The following ZNF827 variants were observed in gnomAD, a reference collection of about 807,000 sequenced individuals.
The protein encoded by ZNF827 is zinc finger protein 827.
In ZNF827, 13 loss-of-function variants were observed where a neutral mutation model predicts 102.4. That is an observed-to-expected ratio of 0.13 (90% confidence interval 0.08 to 0.20). The LOEUF (loss-of-function observed/expected upper bound fraction) is 0.20. Ranked by LOEUF, ZNF827 falls within the 10% of genes least tolerant of loss-of-function variation. The probability of loss-of-function intolerance (pLI) is 1.00; values close to 1 mark genes in which losing one functional copy is unlikely to be tolerated. For missense variants in ZNF827, 1,103 were observed against 1,344.4 expected (o/e 0.82, Z 2.81); for synonymous variants, 523 against 536.2 (o/e 0.98, Z 0.34).
chr4:145,866,436 T>G (rs1297858624), intron 5 of ZNF827, among the ~76,000 whole-genome samples: 2 of 152,240 alleles, frequency 1.3e-5, no homozygotes, highest in Admixed American at 1.3e-4. Flanking sequence ...TAGGGCCTGG[T>G]TGAATTCCTA....
chr4:145,920,828 A>T (rs1246023645), intron 1 of ZNF827, among the ~76,000 whole-genome samples: 1 of 152,234 alleles, frequency 6.6e-6, no homozygotes, highest in East Asian at 1.9e-4. Flanking sequence ...TTCTGTGACC[A>T]GCTCTTTACT....
chr4:145,797,784 AT>A (rs1740515641), intron 8 of ZNF827, among the ~76,000 whole-genome samples: 1 of 152,236 alleles, frequency 6.6e-6, no homozygotes, highest in South Asian at 2.1e-4. Context: ...TGTGGTATAA[AT>A]GGAAATGATT....
intron 10 of ZNF827, among the ~76,000 whole-genome samples, chr4:145,775,163 G>A (rs1289543535): frequency 3.3e-5 from 5 of 152,064 alleles, no homozygotes; most frequent in Non-Finnish European, 5.9e-5. Context: ...TACTCTATCC[G>A]GGACAACTTC....
chr4:145,824,166 T>TA (rs1743436511), intron 7 of ZNF827, among the ~76,000 whole-genome samples: 1 of 152,144 alleles, frequency 6.6e-6, no homozygotes, highest in Non-Finnish European at 1.5e-5. Flanking sequence ...TAAGGTCCCC[T>TA]AGTGACTCAG....
chr4:145,821,733 G>C (rs747337652), intron 8 of ZNF827, among the ~76,000 whole-genome samples: 4 of 152,076 alleles, frequency 2.6e-5, no homozygotes, highest in Non-Finnish European at 5.9e-5. Flanking sequence ...CCCCAAATAA[G>C]AGTTAAGCTT....
chr4:145,880,905 C>T (rs1749606266), intron 4 of ZNF827, among the ~76,000 whole-genome samples: 1 of 152,208 alleles, frequency 6.6e-6, no homozygotes, highest in South Asian at 2.1e-4. Context: ...ATGGCATTTA[C>T]TTGGAAGAAG....
chr4:145,829,692 T>C (rs2126534285), intron 7 of ZNF827, among the ~76,000 whole-genome samples: 1 of 152,348 alleles, frequency 6.6e-6, no homozygotes, highest in African/African-American at 2.4e-5. Flanking sequence ...CAACGTGTTC[T>C]TTCTCTAACC....
At chr4:145,906,821 C>G (rs760145416) in intron 1 of ZNF827, among the ~76,000 whole-genome samples, 4 of 152,220 alleles carry the variant, frequency 2.6e-5, no homozygotes, top group Non-Finnish European at 5.9e-5. Context: ...CCATCCATCC[C>G]TCTGTTGTTT....
At chr4:145,823,932 T>C (rs1327391931) in intron 7 of ZNF827, among the ~76,000 whole-genome samples, 2 of 152,200 alleles carry the variant, frequency 1.3e-5, no homozygotes, top group Non-Finnish European at 2.9e-5. Flanking sequence ...CCATATTCTG[T>C]CACCTGATCC....
At chr4:145,846,687 C>T (rs373221906) in intron 6 of ZNF827, among the ~76,000 whole-genome samples, 1 of 133,870 alleles carries the variant, frequency 7.5e-6, no homozygotes, top group Non-Finnish European at 1.5e-5. Context: ...CATGATGGCG[C>T]GTGCCTGTAG....
chr4:145,926,141 C>G (rs7697757), intron 1 of ZNF827, among the ~76,000 whole-genome samples: 10,347 of 152,246 alleles, frequency 0.068, 616 homozygotes, highest in African/African-American at 0.16. Flanking sequence ...TTCCCAATCC[C>G]TGACACACTT....
At chr4:145,853,055 T>G (rs187238770) in intron 5 of ZNF827, among the ~76,000 whole-genome samples, 2 of 152,298 alleles carry the variant, frequency 1.3e-5, no homozygotes, top group Non-Finnish European at 2.9e-5. Flanking sequence ...CATTCTAGTT[T>G]TTGCTCCAAA....
chr4:145,802,785 A>T (rs923977440), intron 8 of ZNF827, among the ~76,000 whole-genome samples: 2 of 152,190 alleles, frequency 1.3e-5, no homozygotes, highest in Non-Finnish European at 2.9e-5. Flanking sequence ...ACCAAAAAAA[A>T]TTAAAAAGTT....
intron 3 of ZNF827, among the ~76,000 whole-genome samples, chr4:145,886,562 T>A (rs140159021): frequency 6.6e-6 from 1 of 152,228 alleles, no homozygotes; most frequent in Non-Finnish European, 1.5e-5. Context: ...AATGATACTT[T>A]GCATTCATCC....
chr4:145,868,614 C>A (rs1483250355), intron 5 of ZNF827, among the ~76,000 whole-genome samples: 2 of 152,174 alleles, frequency 1.3e-5, no homozygotes, highest in Non-Finnish European at 2.9e-5. Flanking sequence ...CAAAATGATT[C>A]CACACTTGTG....
intron 7 of ZNF827, among the ~76,000 whole-genome samples, chr4:145,825,761 C>T (rs573279329): frequency 3.3e-5 from 5 of 152,202 alleles, no homozygotes; most frequent in African/African-American, 1.2e-4. Flanking sequence ...AGGAGTGGAG[C>T]CCTATTATCA....
At chr4:145,799,071 A>G (rs1292068673) in intron 8 of ZNF827, among the ~76,000 whole-genome samples, 2 of 152,256 alleles carry the variant, frequency 1.3e-5, no homozygotes, top group African/African-American at 2.4e-5. Context: ...TCGTGCCCAC[A>G]TCAATTCCAA....
intron 2 of ZNF827, among the ~76,000 whole-genome samples, chr4:145,900,297 T>C (rs1420835214): frequency 6.6e-6 from 1 of 152,212 alleles, no homozygotes; most frequent in Non-Finnish European, 1.5e-5. Flanking sequence ...ATTATTAACT[T>C]TGCATAAGCT....
intron 5 of ZNF827, among the ~76,000 whole-genome samples, chr4:145,859,073 G>A (rs1747455833): frequency 6.6e-6 from 1 of 152,142 alleles, no homozygotes; most frequent in Non-Finnish European, 1.5e-5. Flanking sequence ...CTTCACTCTT[G>A]TTGGTCAATG....
Sources: gnomAD v4.1 joint callset for allele counts (sites outside exome capture counted in the v4.1 genomes callset) on GRCh38, gnomAD v4.1.1 for gene constraint, MANE v1.5 for transcripts, NCBI Gene and HGNC (gene_info 2026-07-23, HGNC 2026-07-21) for gene names.